ARHGAP15: variants seen among roughly 807,000 people sequenced by gnomAD.
ARHGAP15 encodes the protein rho GTPase-activating protein 15.
In ARHGAP15, 51 loss-of-function variants were observed where a neutral mutation model predicts 63.7. That is an observed-to-expected ratio of 0.80 (90% CI 0.64 to 1.01). ARHGAP15 has a LOEUF of 1.01. ARHGAP15 is among the 50% of genes least tolerant of loss of function. The probability of loss-of-function intolerance (pLI) is 0.00; values close to 1 mark genes in which losing one functional copy is unlikely to be tolerated. For synonymous variants in ARHGAP15, 191 were observed against 193.8 expected, an observed-to-expected ratio of 0.99 and a Z score of 0.12; for missense variants, 560 against 564.6, an observed-to-expected ratio of 0.99 and a Z score of 0.08.
At chr2:143,375,913 C>T (rs763540315) in intron 6 of ARHGAP15, among the ~76,000 whole-genome samples, 7 of 152,316 alleles carry the variant, frequency 4.6e-5, no homozygotes, top group Non-Finnish European at 7.4e-5. Context: ...TTATGAGAAG[C>T]GCAAGCTCTC....
At chr2:143,710,390 A>T (rs72994463) in intron 13 of ARHGAP15, among the ~76,000 whole-genome samples, 2 of 152,102 alleles carry the variant, frequency 1.3e-5, no homozygotes, top group South Asian at 2.1e-4. Flanking sequence ...ATAGTTCCCA[A>T]CTCCCCATAG....
At chr2:143,669,287 C>T (rs1682393544) in intron 12 of ARHGAP15, among the ~76,000 whole-genome samples, 2 of 152,180 alleles carry the variant, frequency 1.3e-5, no homozygotes, top group Non-Finnish European at 2.9e-5. Context: ...AATGTCAAAG[C>T]CAGCTTCCTT....
rs879558715 is a variant in ARHGAP15 at position 143,364,601 on chromosome 2, C to T, written c.475-71000C>T. On this transcript the variant is annotated intron_variant, in intron 6 of 13. Coordinates refer to ENST00000295095, the MANE Select transcript of ARHGAP15 (RefSeq NM_018460.4). ...GAAAAATTATGCCCCAATGAAGAAT[C>T]AGTAGGGTTCATGTATTGGAAAAAT... is the stretch of plus-strand genomic sequence containing the variant. Among the ~76,000 whole-genome samples the T allele has an allele frequency of 2.6e-5, 4 of 152,228 alleles. No homozygotes were observed. In the East Asian group the frequency reaches 7.7e-4, roughly 29 times the overall value.
At chr2:143,372,518 T>A (rs947141972) in intron 6 of ARHGAP15, among the ~76,000 whole-genome samples, 2 of 152,100 alleles carry the variant, frequency 1.3e-5, no homozygotes, top group African/African-American at 2.4e-5. Flanking sequence ...AGATATCACA[T>A]TAATGAATGG....
intron 12 of ARHGAP15, among the ~76,000 whole-genome samples, chr2:143,638,445 G>A (rs1325243152): frequency 7.6e-6 from 1 of 131,446 alleles, no homozygotes; most frequent in Non-Finnish European, 1.6e-5. Context: ...GGTGGGAATT[G>A]AACAATGAGA....
At chr2:143,273,495 T>C (rs984155750) in intron 6 of ARHGAP15, among the ~76,000 whole-genome samples, 24 of 152,150 alleles carry the variant, frequency 1.6e-4, no homozygotes, top group African/African-American at 5.5e-4. Flanking sequence ...AATTGGAGAA[T>C]ATCTGTACTA....
At chr2:143,335,149 A>ATT (rs1185903445) in intron 6 of ARHGAP15, among the ~76,000 whole-genome samples, 2 of 152,214 alleles carry the variant, frequency 1.3e-5, no homozygotes, top group Non-Finnish European at 2.9e-5. Flanking sequence ...ATATCTGATC[A>ATT]TGGACACTTT....
At chr2:143,328,540 C>T (rs1307043394) in intron 6 of ARHGAP15, among the ~76,000 whole-genome samples, 1 of 151,994 alleles carries the variant, frequency 6.6e-6, no homozygotes, top group Admixed American at 6.6e-5. Context: ...ACAATGAGAA[C>T]ACATGGACAC....
rs1558898030 is a variant in ARHGAP15, at chr2:143,330,128, AAAACCAAAAAC to A, written c.474+79532_474+79542del. ...AAAAAAAAAAAAAAAAAAAAAAAAA[AAAACCAAAAAC>A]AAAAAACTAAACTAATGATTAATAA... On this transcript the variant is annotated intron_variant, in intron 6 of 13. Transcript: ENST00000295095. 2.5e-4 allele frequency among the ~76,000 whole-genome samples: 23 copies of A among 91,120 alleles called. 1 individual carries two copies. Among genetic ancestry groups the A allele is most frequent in the South Asian group, 1.0e-3 (3 of 2,990 alleles). 59.8% of individuals were successfully genotyped at this position (91,120 alleles called of 152,430 possible).
chr2:143,405,096 CAG>C (rs72245540), intron 6 of ARHGAP15, among the ~76,000 whole-genome samples: 3,041 of 151,964 alleles, frequency 0.02, 97 homozygotes, highest in African/African-American at 0.069. Context: ...TTTACAATGA[CAG>C]AGTTAACCCT....
intron 6 of ARHGAP15, among the ~76,000 whole-genome samples, chr2:143,370,051 G>A (rs1686474810): frequency 6.6e-6 from 1 of 152,102 alleles, no homozygotes; most frequent in Non-Finnish European, 1.5e-5. Flanking sequence ...TAGATAAGGA[G>A]TAGGTCTTAA....
intron 6 of ARHGAP15, among the ~76,000 whole-genome samples, chr2:143,392,245 A>G (rs1687566292): frequency 6.6e-6 from 1 of 152,186 alleles, no homozygotes; most frequent in African/African-American, 2.4e-5. Flanking sequence ...TGAAGCTGCC[A>G]TTTTCCAATA....
At chr2:143,150,579 G>C (rs1165862825) in intron 1 of ARHGAP15, among the ~76,000 whole-genome samples, 1 of 152,024 alleles carries the variant, frequency 6.6e-6, no homozygotes, top group Non-Finnish European at 1.5e-5. Context: ...AGGAAGTCTA[G>C]AGAATAGTGA....
chr2:143,743,566 C>G (rs1029166379), intron 13 of ARHGAP15, among the ~76,000 whole-genome samples: 9 of 152,282 alleles, frequency 5.9e-5, no homozygotes, highest in African/African-American at 2.2e-4. Context: ...GTACTGACTC[C>G]TGTGGCCTCT....
At chr2:143,177,614 A>G (rs1447807880) in intron 2 of ARHGAP15, among the ~76,000 whole-genome samples, 4 of 152,194 alleles carry the variant, frequency 2.6e-5, no homozygotes, top group African/African-American at 9.7e-5. Context: ...AGGGTGATCT[A>G]GGGATCCCTT....
At chr2:143,436,862 A>T (rs1166735939) in intron 7 of ARHGAP15, 51 bp from the exon 8 acceptor site, 1 of 1,577,102 alleles carries the variant, frequency 6.3e-7, no homozygotes, top group Admixed American at 2.0e-5. Flanking sequence ...TTCTATGGTG[A>T]ATCCTTTCTT....
chr2:143,587,848 C>A, intron 11 of ARHGAP15: 1 of 446,262 alleles, frequency 2.2e-6, no homozygotes, highest in Non-Finnish European at 4.6e-6. Context: ...TTTTGAGATA[C>A]AATCCCTAGT....
chr2:143,502,595 T>C (rs187619259), intron 9 of ARHGAP15, among the ~76,000 whole-genome samples: 24 of 151,952 alleles, frequency 1.6e-4, no homozygotes, highest in African/African-American at 5.5e-4. Context: ...TTGTTTTGTT[T>C]TGAGATGGAG....
At chr2:143,755,596 C>T (rs1037114965) in intron 13 of ARHGAP15, among the ~76,000 whole-genome samples, 7 of 152,172 alleles carry the variant, frequency 4.6e-5, no homozygotes, top group African/African-American at 1.7e-4. Flanking sequence ...AGTTCCTGCG[C>T]TCTTCCATTT....
Sources: allele counts gnomAD v4.1 joint callset (sites outside exome capture counted in the v4.1 genomes callset), GRCh38; gene constraint gnomAD v4.1.1; transcripts MANE v1.5; gene names NCBI Gene and HGNC (gene_info 2026-07-23, HGNC 2026-07-21).